Variants in RNF126 observed in about 807,000 individuals in gnomAD.
RNF126 encodes the protein ring finger protein 126.
Under a neutral mutation model 41.9 loss-of-function variants are expected in RNF126, and 20 were observed. That is an observed-to-expected ratio of 0.48 (90% CI 0.34 to 0.69). The LOEUF (loss-of-function observed/expected upper bound fraction) is 0.69, where lower values mean the gene tolerates loss of function less well. RNF126 is among the 30% of genes least tolerant of loss of function. RNF126 has a pLI of 0.01. For missense variants in RNF126, 433 were observed against 460.6 expected (o/e 0.94, Z 0.55); for synonymous variants, 239 against 202.9 (o/e 1.18, Z -1.51).
At chr19:651,449 C>T (rs934351717) in intron 4 of RNF126, 162 bp downstream of exon 4, 67 of 602,532 alleles carry the variant, frequency 1.1e-4, no homozygotes, top group Middle Eastern at 5.0e-4. Flanking sequence ...TCCGAAGGGC[C>T]GTGTGGGGAG....
At chr19:649,138 C>A in intron 6 of RNF126, 163 bp from the exon 7 acceptor site, 1 of 381,944 alleles carries the variant, frequency 2.6e-6, no homozygotes, top group Non-Finnish European at 4.6e-6. Flanking sequence ...GGAGCCCACG[C>A]GGCCCCCCCG....
At chr19:655,503 G>A (rs939582615) in intron 1 of RNF126, among the ~76,000 whole-genome samples, 18 of 140,054 alleles carry the variant, frequency 1.3e-4, no homozygotes, top group Middle Eastern at 3.4e-3. Flanking sequence ...AAGAAAAGTG[G>A]GGGGGGAAAG....
At chr19:650,401 C>A in intron 4 of RNF126, 105 bp from the exon 5 acceptor site, 2 of 899,474 alleles carry the variant, frequency 2.2e-6, no homozygotes, top group Non-Finnish European at 3.4e-6. Context: ...CCAGCATCAG[C>A]TTCTAGATTA....
At chr19:648,629 C>T in intron 7 of RNF126, 142 bp from the exon 8 acceptor site, 1 of 714,330 alleles carries the variant, frequency 1.4e-6, no homozygotes, top group Non-Finnish European at 2.4e-6. Flanking sequence ...CCCCGGGCTG[C>T]CAGAGGGGAC....
At chr19:651,206 C>G (rs953984101) in intron 4 of RNF126, among the ~76,000 whole-genome samples, 1 of 151,466 alleles carries the variant, frequency 6.6e-6, no homozygotes, top group African/African-American at 2.4e-5. Flanking sequence ...TGCGACGGCT[C>G]CCCCAGGCTC....
Position 651,823 on chromosome 19 carries a change from C to G in RNF126, c.231G>C (p.Gln77His), listed in dbSNP as rs750986115. The G allele has an allele frequency of 1.2e-5, 19 of 1,611,976 alleles. No individual in the cohort carries two copies. The highest frequency in any genetic ancestry group is 1.5e-5 in the Non-Finnish European group (18 of 1,179,574). ...HVDQHLFTLP[Q>H]GYGQFAFGIF... is the part of the protein sequence containing the mutation. ...TGCCGAAAGCAAACTGTCCGTAGCC[C>G]TGCGGCAGCGTGAACAGGTGCTGGT... The change falls in exon 4 of 9, where the codon CAG (glutamine) becomes CAC (histidine). Residue 77 changes from glutamine (Q) to histidine (H), a missense_variant. Coordinates refer to ENST00000292363, the MANE Select transcript of RNF126 (RefSeq NM_194460.3).
rs1394885858 is a variant in RNF126 at position 649,623 on chromosome 19, G to A, written c.576+56C>T. On this transcript the variant is annotated intron_variant, in intron 6 of 8. Transcript: ENST00000292363. ...GTCCAGGCAGTGGGGCAGCTCCCAG[G>A]GGTGGGCAGCCCAGCCCTCCCCCAG... 4 of 1,414,580 alleles carry A rather than the reference G, an allele frequency of 2.8e-6. No individual in the cohort carries two copies. In the African/African-American group the frequency reaches 4.3e-5, roughly 15 times the overall value. The allele number at this position is 1,414,580 out of a possible 1,614,324, so 87.6% of individuals were successfully genotyped here. A position where few individuals can be genotyped will look rare whatever the true frequency, so the allele number is the denominator to read the frequency against.
rs755404177 is a variant in RNF126 at position 649,738 on chromosome 19, G to A, written c.517C>T (p.His173Tyr). ...IPSLGPWGVLHSNPMDYAWGA... is the reference protein window; with the variant it reads ...IPSLGPWGVLYSNPMDYAWGA... ...CAGGCGTAGTCCATAGGGTTTGAGT[G>A]CAGGACTCCCCTGGAGGTGGAAGGT... The change falls in exon 6 of 9, where the codon CAC (histidine) becomes TAC (tyrosine). Residue 173 changes from histidine (H) to tyrosine (Y), a missense_variant. His to Tyr is a moderately conservative substitution (Grantham distance 83). Transcript: ENST00000292363. 1 of 1,567,776 alleles carries A rather than the reference G, an allele frequency of 6.4e-7. No individual in the cohort carries two copies. The highest frequency in any genetic ancestry group is 1.2e-5 in the South Asian group (1 of 85,910).
At position 659,563 on chromosome 19, in the gene RNF126, G is replaced by A. The variant is rs2030706727; in HGVS notation, c.75+3484C>T. ...ACCTCCCTGCGCCCGCCTGGTTCCT[G>A]GGGGCTCAGTGCCCTCAGCAGCTCT... On this transcript the variant is annotated intron_variant, in intron 1 of 8. Coordinates refer to ENST00000292363, the MANE Select transcript of RNF126 (RefSeq NM_194460.3). This position sits in a 1 kb window ranked among gnomAD's most constrained non-coding sequence, Gnocchi z 4.9. Among the ~76,000 whole-genome samples, 1 of 152,104 alleles carries A rather than the reference G, an allele frequency of 6.6e-6. No homozygotes were observed. Among genetic ancestry groups the A allele is most frequent in the Admixed American group, 6.5e-5 (1 of 15,274 alleles).
chr19:652,829 G>C lies in RNF126; in HGVS notation c.131C>G (p.Thr44Ser). 1 of 1,612,930 alleles carries C rather than the reference G, an allele frequency of 6.2e-7. No homozygotes were observed. Among genetic ancestry groups the C allele is most frequent in the Non-Finnish European group, 8.5e-7 (1 of 1,179,592 alleles). ...CTTCAACAGGGGGCTGCATTACCTG[G>C]TCTCTTCCGGAAGCTCCTCGATAAA... is the stretch of plus-strand genomic sequence containing the variant. Reference protein sequence around the residue: ...SGFIEELPEETRSTENGSAPS... With the variant: ...SGFIEELPEESRSTENGSAPS... Residue 44 changes from threonine (T) to serine (S), a missense_variant, in exon 2 of 9, where the codon ACC becomes AGC. Thr to Ser is a moderately conservative substitution (Grantham distance 58). Transcript: ENST00000292363.
At chr19:656,506 G>A (rs1340380137) in intron 1 of RNF126, among the ~76,000 whole-genome samples, 1 of 151,984 alleles carries the variant, frequency 6.6e-6, no homozygotes, top group East Asian at 1.9e-4. Flanking sequence ...AAAATTAGCT[G>A]GGCACGGTGG....
chr19:653,256 C>A (rs1023011929), intron 1 of RNF126, among the ~76,000 whole-genome samples: 3 of 152,122 alleles, frequency 2.0e-5, no homozygotes, highest in African/African-American at 7.2e-5. Context: ...CCCAATACCC[C>A]ACAGTGGCAT....
rs559606833 is a variant in RNF126 at position 647,534 on chromosome 19, G to T, written c.*594C>A. ...AAAGCCACAGCACCGGCTTCTCTTT[G>T]TAAGTAGTGTATTTTAAATAGCTTT... On this transcript the variant is annotated 3_prime_UTR_variant, in exon 9 of 9. Transcript: ENST00000292363. 6.2e-6 allele frequency: 1 copy of T among 160,826 alleles called. No individual in the cohort carries two copies. The highest frequency in any genetic ancestry group is 2.4e-5 in the African/African-American group (1 of 41,618). The allele number at this position is 160,826 out of a possible 1,614,324, so 10.0% of individuals were successfully genotyped here. A position where few individuals can be genotyped will look rare whatever the true frequency, so the allele number is the denominator to read the frequency against.
chr19:650,581 C>G, intron 4 of RNF126: 1 of 183,966 alleles, frequency 5.4e-6, no homozygotes, highest in Non-Finnish European at 9.8e-6. Flanking sequence ...CCACTCTCGG[C>G]TACTTTTTTT....
intron 2 of RNF126, 96 bp downstream of exon 2, chr19:652,730 C>T (rs1283213718): frequency 3.5e-6 from 4 of 1,155,640 alleles, no homozygotes; most frequent in Middle Eastern, 1.9e-4. Flanking sequence ...CTGACGGCCC[C>T]ACACTCGGCG....
Position 652,157 on chromosome 19 carries a change from A to G in RNF126, c.198+76T>C, listed in dbSNP as rs1179093599. 4 of 1,208,168 alleles carry G rather than the reference A, an allele frequency of 3.3e-6. No homozygotes were observed. The African/African-American group carries it at 6.3e-5, about 19-fold the overall frequency. 74.8% of individuals were successfully genotyped at this position (1,208,168 alleles called of 1,614,324 possible). On this transcript the variant is annotated intron_variant, in intron 3 of 8. Transcript: ENST00000292363. ...GCGGGCAGGGAGAGCCGGGGAGGCGAGGTGGGGACAGGCTGGCGCTCGGGG... is the reference window on the plus strand; with the variant it reads ...GCGGGCAGGGAGAGCCGGGGAGGCGGGGTGGGGACAGGCTGGCGCTCGGGG...
In RNF126 at chr19:651,700, G is replaced by A; in HGVS notation, c.354C>T (p.Ser118=). ...PESRRERDHP[S]RHRYGARQPR... Reference sequence around the variant, plus strand: ...GCTGTCGGGCGCCGTACCGGTGCCGGGACGGATGGTCTCTCTCCCGCCGGC... The same window carrying A: ...GCTGTCGGGCGCCGTACCGGTGCCGAGACGGATGGTCTCTCTCCCGCCGGC... The change falls in exon 4 of 9, where the codon TCC becomes TCT. Residue 118 remains serine, a synonymous_variant. Transcript: ENST00000292363. The A allele has an allele frequency of 6.2e-7, 1 of 1,603,828 alleles. No homozygotes were observed. The highest frequency in any genetic ancestry group is 8.5e-7 in the Non-Finnish European group (1 of 1,176,022).
At chr19:656,928 C>T (rs754706173) in intron 1 of RNF126, among the ~76,000 whole-genome samples, 5 of 152,172 alleles carry the variant, frequency 3.3e-5, no homozygotes, top group Non-Finnish European at 5.9e-5. Flanking sequence ...GCCAGCTGAC[C>T]GGGAGCCCAG....
intron 1 of RNF126, among the ~76,000 whole-genome samples, chr19:654,845 T>C (rs1393100213): frequency 6.6e-6 from 1 of 151,416 alleles, no homozygotes; most frequent in African/African-American, 2.4e-5. Flanking sequence ...CACGTACCTG[T>C]AATCCCAGCT....
Sources: gnomAD v4.1 joint callset for allele counts (sites outside exome capture counted in the v4.1 genomes callset) on GRCh38, gnomAD v4.1.1 for gene constraint, Gnocchi (gnomAD v3.1) non-coding constraint, MANE v1.5 for transcripts, NCBI Gene and HGNC (gene_info 2026-07-23, HGNC 2026-07-21) for gene names.